Variants in SMIM3 observed in about 807,000 individuals in gnomAD.
SMIM3 encodes small integral membrane protein 3, also known as NGF-induced differentiation clone 67 protein.
A neutral mutation model predicts 2.1 loss-of-function variants in SMIM3; 4 were observed. The ratio of observed to expected loss-of-function variants is 1.89; its 90% CI spans 0.93 to 4.31. The LOEUF (loss-of-function observed/expected upper bound fraction) is 4.31, where lower values mean the gene tolerates loss of function less well. Ranked by LOEUF, SMIM3 falls within the 30% of genes most tolerant of loss-of-function variation. The pLI is 0.01. For missense variants in SMIM3, 79 were observed against 77.7 expected, an observed-to-expected ratio of 1.02 and a Z score of -0.06; for synonymous variants, 29 against 30.8, an observed-to-expected ratio of 0.94 and a Z score of 0.19.
Position 150,778,905 on chromosome 5 carries a change from T to G in SMIM3, c.-79T>G, listed in dbSNP as rs1409962072. On this transcript the variant is annotated 5_prime_UTR_variant, in exon 1 of 2. Transcript: ENST00000526627. The stretch of plus-strand genomic sequence containing the variant: ...CCAGCTGCCAGATCCCGTGCAGTCC[T>G]GGGGACCCTGAGAAGCACCGAGCCA... The G allele has an allele frequency of 3.9e-6, 2 of 509,250 alleles. No individual in the cohort carries two copies. Among genetic ancestry groups the G allele is most frequent in the Non-Finnish European group, 8.0e-6 (2 of 248,756 alleles). The allele number at this position is 509,250 out of a possible 1,614,324, so 31.5% of individuals were successfully genotyped here.
At chr5:150,781,692 A>G (rs1435585577) in intron 1 of SMIM3, among the ~76,000 whole-genome samples, 5 of 152,124 alleles carry the variant, frequency 3.3e-5, no homozygotes, top group African/African-American at 1.2e-4. Flanking sequence ...TGACTTTGGG[A>G]GAGCGACCTG....
chr5:150,779,829 A>AGCC (rs1753212584), intron 1 of SMIM3, among the ~76,000 whole-genome samples: 14 of 111,012 alleles, frequency 1.3e-4, no homozygotes, highest in South Asian at 3.2e-4. Flanking sequence ...GAAAGGTGTA[A>AGCC]CCCCCCCCGC....
chr5:150,790,974 G>A (rs1753343486), intron 1 of SMIM3, among the ~76,000 whole-genome samples: 1 of 151,954 alleles, frequency 6.6e-6, no homozygotes, highest in Admixed American at 6.6e-5. Flanking sequence ...CAAAAAAAAA[G>A]CCTCTTTGCC....
intron 1 of SMIM3, among the ~76,000 whole-genome samples, chr5:150,788,635 A>G (rs1753317298): frequency 6.8e-6 from 1 of 147,390 alleles, no homozygotes; most frequent in Non-Finnish European, 1.5e-5. Flanking sequence ...CTGTGTCTCA[A>G]AAAAAAAAAA....
intron 1 of SMIM3, among the ~76,000 whole-genome samples, chr5:150,782,759 C>G (rs1753248795): frequency 6.6e-6 from 1 of 152,174 alleles, no homozygotes; most frequent in Non-Finnish European, 1.5e-5. Flanking sequence ...TTCTGGACCT[C>G]TTCAGTCAAT....
At chr5:150,781,764 G>A (rs180957135) in intron 1 of SMIM3, among the ~76,000 whole-genome samples, 2 of 138,906 alleles carry the variant, frequency 1.4e-5, no homozygotes, top group Non-Finnish European at 2.9e-5. Flanking sequence ...GCTCTGTCAC[G>A]GAGCACCCTG....
intron 1 of SMIM3, among the ~76,000 whole-genome samples, chr5:150,793,012 CTG>C (rs1215989271): frequency 6.6e-6 from 1 of 150,876 alleles, no homozygotes; most frequent in Non-Finnish European, 1.5e-5. Flanking sequence ...GAAATAAAAA[CTG>C]TTTTTTTCAA....
intron 1 of SMIM3, among the ~76,000 whole-genome samples, chr5:150,780,401 TAA>T (rs1753219378): frequency 6.6e-6 from 1 of 152,136 alleles, no homozygotes; most frequent in Admixed American, 6.5e-5. Flanking sequence ...TGAAAAAAAC[TAA>T]AAAGTGTTTT....
chr5:150,787,840 G>A (rs928642929), intron 1 of SMIM3, among the ~76,000 whole-genome samples: 2 of 152,084 alleles, frequency 1.3e-5, no homozygotes, highest in Admixed American at 1.3e-4. Flanking sequence ...AGGAAATAAG[G>A]GAAGTGGTAT....
intron 1 of SMIM3, among the ~76,000 whole-genome samples, chr5:150,784,392 T>C (rs765416000): frequency 1.3e-5 from 2 of 152,212 alleles, no homozygotes; most frequent in African/African-American, 2.4e-5. Flanking sequence ...CAACACTTCA[T>C]GTATCTCATC....
At chr5:150,791,464 G>C (rs1418301422) in intron 1 of SMIM3, among the ~76,000 whole-genome samples, 1 of 151,846 alleles carries the variant, frequency 6.6e-6, no homozygotes, top group African/African-American at 2.4e-5. Flanking sequence ...GCTTCTATGG[G>C]TCTGATATTT....
At chr5:150,786,087 A>G (rs1753291230) in intron 1 of SMIM3, among the ~76,000 whole-genome samples, 1 of 150,956 alleles carries the variant, frequency 6.6e-6, no homozygotes, top group Non-Finnish European at 1.5e-5. Context: ...TGTTTCCTCT[A>G]TCTCTCTTAC....
chr5:150,788,633 C>CAAAAAAA (rs765111003), intron 1 of SMIM3, among the ~76,000 whole-genome samples: 1 of 80,020 alleles, frequency 1.2e-5, no homozygotes. Flanking sequence ...GACTGTGTCT[C>CAAAAAAA]AAAAAAAAAA....
In SMIM3 at chr5:150,795,758, C is replaced by G; in HGVS notation, c.*135C>G. 9.9e-7 allele frequency: 1 copy of G among 1,005,654 alleles called. No homozygotes were observed. The highest frequency in any genetic ancestry group is 1.4e-6 in the Non-Finnish European group (1 of 701,016). 62.3% of individuals were successfully genotyped at this position (1,005,654 alleles called of 1,614,324 possible). ...TGGTTTTGATTCTGCCACGAGCCAG[C>G]TGTGTGAATTTGGTCAAGGGACCTA... On this transcript the variant is annotated 3_prime_UTR_variant, in exon 2 of 2. Coordinates refer to ENST00000526627, the MANE Select transcript of SMIM3 (RefSeq NM_032947.5).
intron 1 of SMIM3, among the ~76,000 whole-genome samples, chr5:150,788,910 G>T (rs1753320988): frequency 6.6e-6 from 1 of 152,030 alleles, no homozygotes; most frequent in Non-Finnish European, 1.5e-5. Flanking sequence ...GTGAGCTCAG[G>T]GTGGTTTCCG....
chr5:150,779,829 A>AACCCC (rs1753212584), intron 1 of SMIM3, among the ~76,000 whole-genome samples: 4 of 111,118 alleles, frequency 3.6e-5, no homozygotes, highest in African/African-American at 6.8e-5. Flanking sequence ...GAAAGGTGTA[A>AACCCC]CCCCCCCCGC....
In SMIM3 at chr5:150,784,876, T is replaced by G. The variant is rs73796450; in HGVS notation, c.-12+5904T>G. 6.9e-3 allele frequency among the ~76,000 whole-genome samples: 1,053 copies of G among 152,280 alleles called. 16 individuals are homozygous for G. Among genetic ancestry groups the G allele is most frequent in the African/African-American group, 0.024 (1,009 of 41,566 alleles). ...TCCTCTCCTGTTTTCCGCTGGAAAT[T>G]ATGCACTCTTTGACTGATATTTTTA... On this transcript the variant is annotated intron_variant, in intron 1 of 1. Transcript: ENST00000526627.
At chr5:150,783,990 C>A (rs979198028) in intron 1 of SMIM3, among the ~76,000 whole-genome samples, 6 of 143,350 alleles carry the variant, frequency 4.2e-5, no homozygotes, top group South Asian at 2.2e-4. Context: ...GTGATCTTGG[C>A]TAACTGCAAC....
At chr5:150,794,965 T>C (rs72660274) in intron 1 of SMIM3, among the ~76,000 whole-genome samples, 26,303 of 151,948 alleles carry the variant, frequency 0.17, 3,015 homozygotes, top group East Asian at 0.63. Context: ...AGAAGCGGTA[T>C]AGGACCAAAA....
Sources: allele counts gnomAD v4.1 joint callset (sites outside exome capture counted in the v4.1 genomes callset), GRCh38; gene constraint gnomAD v4.1.1; transcripts MANE v1.5; gene names NCBI Gene and HGNC (gene_info 2026-07-23, HGNC 2026-07-21).